The following NCKAP5 variants were observed in gnomAD, a reference collection of about 807,000 sequenced individuals.
NCKAP5 encodes NCK associated protein 5.
NCKAP5 carries 92 observed loss-of-function variants against 167.0 expected under a neutral mutation model. That is an observed-to-expected ratio of 0.55 (90% CI 0.47 to 0.66). The LOEUF (loss-of-function observed/expected upper bound fraction) is 0.66. Among genes scored for constraint, NCKAP5 ranks in the 30% least tolerant of loss-of-function variants. The pLI is 0.00. For synonymous variants in NCKAP5, 891 were observed against 877.4 expected (o/e 1.02, Z -0.27); for missense variants, 2,378 against 2,315.0 (o/e 1.03, Z -0.56).
chr2:132,821,195 A>G (rs926140754), intron 11 of NCKAP5, among the ~76,000 whole-genome samples: 25 of 152,206 alleles, frequency 1.6e-4, no homozygotes, highest in African/African-American at 4.6e-4. Flanking sequence ...AACAGGTGAA[A>G]AACTGTGAGT....
chr2:133,170,642 G>A (rs2084207494), intron 5 of NCKAP5, among the ~76,000 whole-genome samples: 1 of 152,206 alleles, frequency 6.6e-6, no homozygotes, highest in African/African-American at 2.4e-5. Flanking sequence ...AAAGAGAAAT[G>A]TCATTCTGCC....
chr2:133,277,202 A>G (rs1361935406), intron 4 of NCKAP5, among the ~76,000 whole-genome samples: 3 of 152,186 alleles, frequency 2.0e-5, no homozygotes, highest in African/African-American at 7.2e-5. Context: ...AAGATAAATC[A>G]AATGGAGGCA....
chr2:133,443,646 C>A (rs1356002629), intron 3 of NCKAP5, among the ~76,000 whole-genome samples: 1 of 152,178 alleles, frequency 6.6e-6, no homozygotes, highest in Admixed American at 6.5e-5. Context: ...TCCCTGAGCC[C>A]AAGCTTGAAG....
intron 3 of NCKAP5, among the ~76,000 whole-genome samples, chr2:133,335,644 C>T (rs1221145821): frequency 6.6e-6 from 1 of 152,168 alleles, no homozygotes; most frequent in Non-Finnish European, 1.5e-5. Flanking sequence ...ATTGTACATA[C>T]ATATCTTTAC....
At chr2:133,185,645 C>T (rs1478814634) in intron 5 of NCKAP5, among the ~76,000 whole-genome samples, 2 of 152,014 alleles carry the variant, frequency 1.3e-5, no homozygotes, top group Non-Finnish European at 2.9e-5. Context: ...TTTCTTTCAT[C>T]AGTGTTTTAT....
intron 12 of NCKAP5, among the ~76,000 whole-genome samples, chr2:132,794,118 G>C (rs773690867): frequency 6.6e-6 from 1 of 150,726 alleles, no homozygotes; most frequent in African/African-American, 2.4e-5. Context: ...GATCATGAAA[G>C]TAGTTACTAT....
chr2:133,069,210 G>A (rs1051754741), intron 6 of NCKAP5, among the ~76,000 whole-genome samples: 2 of 152,060 alleles, frequency 1.3e-5, no homozygotes, highest in African/African-American at 4.8e-5. Flanking sequence ...GTAAAGCACT[G>A]GAAAATAAAA....
chr2:133,272,247 A>G (rs1020895285), intron 4 of NCKAP5, among the ~76,000 whole-genome samples: 1 of 152,082 alleles, frequency 6.6e-6, no homozygotes, highest in African/African-American at 2.4e-5. Context: ...AAAAAATAGA[A>G]TAAAAGAAAT....
rs1039857722 is a variant in NCKAP5 at position 132,671,975 on chromosome 2, C to T, written c.*1314G>A. The T allele has an allele frequency of 2.6e-5, 4 of 152,514 alleles. No individual in the cohort carries two copies. Among genetic ancestry groups the T allele is most frequent in the African/African-American group, 9.7e-5 (4 of 41,424 alleles). 9.4% of individuals were successfully genotyped at this position (152,514 alleles called of 1,614,324 possible). A position where few individuals can be genotyped will look rare whatever the true frequency, so the allele number is the denominator to read the frequency against. ...AAGAAACAATTATGTGCTAAAGTAG[C>T]CATATAGATCCTAAAAATATTTCTA... On this transcript the variant is annotated 3_prime_UTR_variant, in exon 20 of 20. Transcript: ENST00000409261.
intron 5 of NCKAP5, among the ~76,000 whole-genome samples, chr2:133,183,964 T>A (rs2084839253): frequency 6.6e-6 from 1 of 151,946 alleles, no homozygotes. Context: ...TTTATTTTTA[T>A]TTTTTTTCTA....
At chr2:132,754,310 C>G (rs1160044562) in intron 16 of NCKAP5, among the ~76,000 whole-genome samples, 1 of 152,100 alleles carries the variant, frequency 6.6e-6, no homozygotes, top group Non-Finnish European at 1.5e-5. Flanking sequence ...TTCTGGAAGA[C>G]CCCAAACTAG....
chr2:133,065,600 G>A (rs1390628937), intron 6 of NCKAP5, among the ~76,000 whole-genome samples: 1 of 152,162 alleles, frequency 6.6e-6, no homozygotes, highest in Non-Finnish European at 1.5e-5. Context: ...ACTCCAGCCT[G>A]GCGACAGAGC....
chr2:133,133,580 G>A (rs1201223974), intron 5 of NCKAP5, among the ~76,000 whole-genome samples: 1 of 152,160 alleles, frequency 6.6e-6, no homozygotes, highest in Non-Finnish European at 1.5e-5. Flanking sequence ...GGTGAGCTTT[G>A]TTATTAGTAA....
At chr2:132,868,842 G>C (rs984633283) in intron 10 of NCKAP5, 94 bp downstream of exon 10, 5 of 841,666 alleles carry the variant, frequency 5.9e-6, no homozygotes, top group Non-Finnish European at 7.1e-6. Flanking sequence ...CAGAAGTATT[G>C]CATCTATCAA....
At chr2:133,283,889 G>C (rs1035961270) in intron 4 of NCKAP5, among the ~76,000 whole-genome samples, 1 of 152,144 alleles carries the variant, frequency 6.6e-6, no homozygotes, top group South Asian at 2.1e-4. Flanking sequence ...ACGATTACAG[G>C]CGTGAGCCAC....
At chr2:132,847,941 G>A (rs981202031) in intron 11 of NCKAP5, among the ~76,000 whole-genome samples, 1 of 152,218 alleles carries the variant, frequency 6.6e-6, no homozygotes. Flanking sequence ...GGTGGATAAA[G>A]GAGGATGTAA....
At chr2:132,974,199 C>A (rs1365444735) in intron 7 of NCKAP5, among the ~76,000 whole-genome samples, 1 of 152,132 alleles carries the variant, frequency 6.6e-6, no homozygotes, top group Non-Finnish European at 1.5e-5. Context: ...AAACATCCAA[C>A]TTTAGGAACT....
chr2:133,341,869 T>C (rs1234438507), intron 3 of NCKAP5, among the ~76,000 whole-genome samples: 1 of 152,230 alleles, frequency 6.6e-6, no homozygotes, highest in Non-Finnish European at 1.5e-5. Context: ...GGTTGCATAG[T>C]AGCAATTTCA....
Position 133,270,929 on chromosome 2 carries a change from TTC to T in NCKAP5, c.143+32106_143+32107del, listed in dbSNP as rs1445671116. On this transcript the variant is annotated intron_variant, in intron 4 of 19. Transcript: ENST00000409261. Reference sequence around the variant, plus strand: ...TGCTTCAAATTTTTTTTTTTTTTTTTTCTTTTTTGAGAGGGAGTCTCACTCTG... The same window carrying T: ...TGCTTCAAATTTTTTTTTTTTTTTTTTTTTTTGAGAGGGAGTCTCACTCTG... 4.5e-4 allele frequency among the ~76,000 whole-genome samples: 65 copies of T among 143,366 alleles called. 2 individuals carry two copies. The highest frequency in any genetic ancestry group is 7.1e-4 in the South Asian group (3 of 4,230). The allele number at this position is 143,366 out of a possible 152,430, so 94.1% of individuals were successfully genotyped here.
Sources: allele counts gnomAD v4.1 joint callset (sites outside exome capture counted in the v4.1 genomes callset), GRCh38; gene constraint gnomAD v4.1.1; transcripts MANE v1.5; gene names NCBI Gene and HGNC (gene_info 2026-07-23, HGNC 2026-07-21).